Variants in DIP2C observed in about 807,000 individuals in gnomAD.
The protein encoded by DIP2C is disco-interacting protein 2 homolog C.
A neutral mutation model predicts 192.4 loss-of-function variants in DIP2C; 33 were observed. The ratio of observed to expected loss-of-function variants is 0.17; its 90% CI spans 0.13 to 0.23. The LOEUF (loss-of-function observed/expected upper bound fraction) is 0.23, where lower values mean the gene tolerates loss of function less well. Among genes scored for constraint, DIP2C ranks in the 10% least tolerant of loss-of-function variants. The probability of loss-of-function intolerance (pLI) is 1.00; values close to 1 mark genes in which losing one functional copy is unlikely to be tolerated. For synonymous variants in DIP2C, 979 were observed against 864.1 expected, an observed-to-expected ratio of 1.13 and a Z score of -2.33; for missense variants, 1,537 against 2,110.1, an observed-to-expected ratio of 0.73 and a Z score of 5.32.
At chr10:618,634 T>C (rs1050531193) in intron 1 of DIP2C, among the ~76,000 whole-genome samples, 2 of 151,488 alleles carry the variant, frequency 1.3e-5, no homozygotes, top group African/African-American at 4.8e-5. Context: ...ATGACAGACT[T>C]TGTTTGCTTT....
At chr10:496,985 G>A (rs1844882063) in intron 1 of DIP2C, among the ~76,000 whole-genome samples, 2 of 152,194 alleles carry the variant, frequency 1.3e-5, no homozygotes, top group African/African-American at 4.8e-5. Flanking sequence ...TTAGCCAGGT[G>A]TGGTGGCGGG....
At chr10:381,878 T>C (rs1039030229) in intron 17 of DIP2C, among the ~76,000 whole-genome samples, 6 of 152,036 alleles carry the variant, frequency 3.9e-5, no homozygotes, top group Non-Finnish European at 7.4e-5. Context: ...ACACCTCCTC[T>C]CTCTTGCCAC....
chr10:587,242 G>A (rs1384591637), intron 1 of DIP2C, among the ~76,000 whole-genome samples: 2 of 152,214 alleles, frequency 1.3e-5, no homozygotes, highest in African/African-American at 2.4e-5. Flanking sequence ...GTGGCGAGGG[G>A]CAAACAGTGC....
intron 17 of DIP2C, among the ~76,000 whole-genome samples, chr10:382,204 T>C (rs1962429999): frequency 1.3e-5 from 2 of 152,132 alleles, no homozygotes; most frequent in South Asian, 2.1e-4. Context: ...GCATCAACTA[T>C]ACACCAGAGA....
chr10:472,658 G>A lies in DIP2C; in HGVS notation c.158-109C>T, dbSNP rs942389590. 1.7e-5 allele frequency: 17 copies of A among 982,870 alleles called. 1 individual carries two copies. Among genetic ancestry groups the A allele is most frequent in the East Asian group, 1.5e-4 (6 of 40,518 alleles). 60.9% of individuals were successfully genotyped at this position (982,870 alleles called of 1,614,324 possible). A position where few individuals can be genotyped will look rare whatever the true frequency, so the allele number is the denominator to read the frequency against. On this transcript the variant is annotated intron_variant, in intron 2 of 36. Coordinates refer to ENST00000280886, the MANE Select transcript of DIP2C (RefSeq NM_014974.3). ...CCACAGCAAAGCCAGAGCTACCCAC[G>A]GGACTGGGCATGGCGGCGCCTCAGA...
In DIP2C at chr10:689,526, C is replaced by T; in HGVS notation, c.53G>A (p.Arg18His). ...GMALPLEVRA[R>H]LAELELELSE... Reference sequence around the variant, plus strand: ...CAGCTCCAGCTCCAGCTCGGCCAGGCGCGCCCGCACCTCCAGGGGCAGCGC... The same window carrying T: ...CAGCTCCAGCTCCAGCTCGGCCAGGTGCGCCCGCACCTCCAGGGGCAGCGC... Residue 18 changes from arginine (R) to histidine (H), a missense_variant, in exon 1 of 37, where the codon CGC becomes CAC. Physicochemically the swap from Arg to His is conservative, Grantham distance 29 (BLOSUM62 0). Around this residue, in one of 4 missense-constraint regions of DIP2C, gnomAD observed 473 missense variants for 539.6 expected, o/e 0.88. Coordinates refer to ENST00000280886, the MANE Select transcript of DIP2C (RefSeq NM_014974.3). The surrounding 1 kb of genome is among the most constrained non-coding windows in gnomAD (Gnocchi z 6.1). 2 of 1,296,342 alleles carry T rather than the reference C, an allele frequency of 1.5e-6. No homozygotes were observed. The highest frequency in any genetic ancestry group is 2.0e-6 in the Non-Finnish European group (2 of 1,003,466). 80.3% of individuals were successfully genotyped at this position (1,296,342 alleles called of 1,614,324 possible). A position where few individuals can be genotyped will look rare whatever the true frequency, so the allele number is the denominator to read the frequency against.
At chr10:320,135 CATTTT>C (rs1217667033) in intron 31 of DIP2C, among the ~76,000 whole-genome samples, 1 of 152,172 alleles carries the variant, frequency 6.6e-6, no homozygotes, top group African/African-American at 2.4e-5. Context: ...ACCAGGGGTT[CATTTT>C]GAGAAAATTC....
chr10:644,990 C>A (rs936338901), intron 1 of DIP2C, among the ~76,000 whole-genome samples: 1 of 152,216 alleles, frequency 6.6e-6, no homozygotes, highest in Admixed American at 6.5e-5. Context: ...GACTGAGGAC[C>A]TGAAGAGGCA....
chr10:666,950 C>T lies in DIP2C; in HGVS notation c.85+22544G>A, dbSNP rs2132115376. 6.6e-6 allele frequency: 1 copy of T among 152,502 alleles called. No individual in the cohort carries two copies. Among genetic ancestry groups the T allele is most frequent in the African/African-American group, 2.4e-5 (1 of 41,584 alleles). The allele number at this position is 152,502 out of a possible 1,614,324, so 9.4% of individuals were successfully genotyped here. A position where few individuals can be genotyped will look rare whatever the true frequency, so the allele number is the denominator to read the frequency against. Reference sequence around the variant, plus strand: ...AGCCAGGCACCAGGGAGAGGGCACCCACCCAGTCTCCTAATCATAACAGAC... The same window carrying T: ...AGCCAGGCACCAGGGAGAGGGCACCTACCCAGTCTCCTAATCATAACAGAC... On this transcript the variant is annotated intron_variant, in intron 1 of 36. Transcript: ENST00000280886. The surrounding 1 kb of genome is among the most constrained non-coding windows in gnomAD (Gnocchi z 4.1).
intron 1 of DIP2C, among the ~76,000 whole-genome samples, chr10:549,562 G>A (rs1191320951): frequency 6.6e-6 from 1 of 152,152 alleles, no homozygotes; most frequent in Non-Finnish European, 1.5e-5. Context: ...ACAGCCAAGG[G>A]CGGCATTTGG....
At chr10:570,179 G>A (rs986736901) in intron 1 of DIP2C, among the ~76,000 whole-genome samples, 8 of 152,208 alleles carry the variant, frequency 5.3e-5, no homozygotes, top group Non-Finnish European at 1.0e-4. Context: ...CATCCAGCCT[G>A]TCATTGCCAC....
At chr10:472,211 A>G (rs570214795) in intron 3 of DIP2C, among the ~76,000 whole-genome samples, 2 of 152,322 alleles carry the variant, frequency 1.3e-5, no homozygotes, top group Non-Finnish European at 2.9e-5. Flanking sequence ...TTTTTAATTA[A>G]TATGCAATTC....
chr10:655,815 ACT>A (rs1856258012), intron 1 of DIP2C, among the ~76,000 whole-genome samples: 1 of 27,826 alleles, frequency 3.6e-5, no homozygotes, highest in African/African-American at 1.3e-4. Context: ...CCTATAGAAC[ACT>A]CTACTATTTG....
At chr10:327,568 T>C (rs1294104021) in intron 30 of DIP2C, among the ~76,000 whole-genome samples, 3 of 151,962 alleles carry the variant, frequency 2.0e-5, no homozygotes, top group Non-Finnish European at 2.9e-5. Context: ...ACGGGAAAAA[T>C]CTACATGTAA....
In DIP2C at chr10:357,764, A is replaced by G. The variant is rs1265083115; in HGVS notation, c.2904+64T>C. 4.7e-6 allele frequency: 6 copies of G among 1,284,246 alleles called. No homozygotes were observed. In the African/African-American group the frequency reaches 5.9e-5, roughly 13 times the overall value. The allele number at this position is 1,284,246 out of a possible 1,614,324, so 79.6% of individuals were successfully genotyped here. ...GTCGGGTACTGTCGGGGATGGTCGC[A>G]GATGGTCGGGGACAGTCGGAAAAGT... On this transcript the variant is annotated intron_variant, in intron 23 of 36. Transcript: ENST00000280886.
intron 22 of DIP2C, among the ~76,000 whole-genome samples, chr10:361,130 CCT>C (rs1231243048): frequency 5.3e-5 from 8 of 152,110 alleles, no homozygotes; most frequent in African/African-American, 7.2e-5. Context: ...AATTATGTAA[CCT>C]CTCAGTTTAG....
At chr10:599,236 T>G (rs868811398) in intron 1 of DIP2C, among the ~76,000 whole-genome samples, 16 of 152,142 alleles carry the variant, frequency 1.1e-4, no homozygotes, top group African/African-American at 3.6e-4. Flanking sequence ...ATGGTTAGAA[T>G]GAATCCACCA....
intron 1 of DIP2C, chr10:650,578 T>A (rs748589537): frequency 1.3e-5 from 8 of 626,350 alleles, no homozygotes; most frequent in Non-Finnish European, 2.0e-5. Flanking sequence ...AGGAGGGACG[T>A]GGGCCCCTTC....
At chr10:546,287 A>AAT in intron 1 of DIP2C, among the ~76,000 whole-genome samples, 1 of 151,870 alleles carries the variant, frequency 6.6e-6, no homozygotes, top group Admixed American at 6.6e-5. Flanking sequence ...TAAAAAAAAA[A>AAT]AAAAAAAGTA....
Sources: allele counts gnomAD v4.1 joint callset (sites outside exome capture counted in the v4.1 genomes callset), GRCh38; gene constraint gnomAD v4.1.1; regional missense constraint gnomAD v4.1.1; non-coding constraint Gnocchi (gnomAD v3.1); transcripts MANE v1.5; gene names NCBI Gene and HGNC (gene_info 2026-07-23, HGNC 2026-07-21).